The following ZMYM1 variants were observed in gnomAD, a reference collection of about 807,000 sequenced individuals.
ZMYM1 encodes zinc finger MYM-type protein 1.
ZMYM1 carries 39 observed loss-of-function variants against 60.0 expected under a neutral mutation model. The observed-to-expected ratio is 0.65, with a 90% CI of 0.50 to 0.85. The LOEUF (loss-of-function observed/expected upper bound fraction) is 0.85. Among genes scored for constraint, ZMYM1 ranks in the 40% least tolerant of loss-of-function variants. ZMYM1 has a pLI of 0.00. For missense variants in ZMYM1, 1,171 were observed against 1,309.5 expected (o/e 0.89, Z 1.63); for synonymous variants, 413 against 454.0 (o/e 0.91, Z 1.15).
At chr1:35,069,862 G>A (rs1642038166) in intron 1 of ZMYM1, among the ~76,000 whole-genome samples, 6 of 152,136 alleles carry the variant, frequency 3.9e-5, no homozygotes, top group Admixed American at 3.9e-4. Context: ...CCCAATGTGT[G>A]CTCTTGGCAC....
intron 6 of ZMYM1, among the ~76,000 whole-genome samples, chr1:35,105,126 CTTTTTTTTTT>C (rs1029051953): frequency 2.1e-5 from 2 of 96,580 alleles, no homozygotes; most frequent in Non-Finnish European, 4.0e-5. Flanking sequence ...TTATTTCTTT[CTTTTTTTTTT>C]TTTTTTTTTT....
chr1:35,083,610 TA>T (rs1249048365), intron 1 of ZMYM1, among the ~76,000 whole-genome samples: 2 of 152,136 alleles, frequency 1.3e-5, no homozygotes, highest in Non-Finnish European at 1.5e-5. Flanking sequence ...AAATTGTAGG[TA>T]TTTTTTGTTT....
chr1:35,109,872 G>C (rs1644026467), intron 6 of ZMYM1, among the ~76,000 whole-genome samples: 1 of 151,922 alleles, frequency 6.6e-6, no homozygotes, highest in Admixed American at 6.6e-5. Context: ...TCAGCCTCCT[G>C]AGTAACTGTG....
chr1:35,076,985 A>G (rs1642179494), upstream of ZMYM1, among the ~76,000 whole-genome samples: 1 of 151,908 alleles, frequency 6.6e-6, no homozygotes, highest in African/African-American at 2.4e-5. Context: ...CAAGCTTCCT[A>G]TCTCCCAGAG....
chr1:35,108,699 ATTTTTT>A (rs771920421), intron 6 of ZMYM1, among the ~76,000 whole-genome samples: 2 of 106,784 alleles, frequency 1.9e-5, no homozygotes, highest in African/African-American at 6.9e-5. Flanking sequence ...TCCATCGGTG[ATTTTTT>A]TTTTTTTTTT....
intron 1 of ZMYM1, among the ~76,000 whole-genome samples, chr1:35,085,056 T>G (rs948444955): frequency 1.3e-5 from 2 of 151,026 alleles, no homozygotes; most frequent in African/African-American, 2.4e-5. Flanking sequence ...TTTGGTTTGG[T>G]TTTTTTTTGG....
intron 2 of ZMYM1, 66 bp downstream of exon 2, chr1:35,094,149 G>T (rs1366199346): frequency 1.4e-6 from 2 of 1,394,674 alleles, no homozygotes; most frequent in Non-Finnish European, 2.0e-6. Context: ...TAGTTACAAA[G>T]GTGCTGAAAT....
At chr1:35,088,425 T>A (rs565177108) in intron 1 of ZMYM1, among the ~76,000 whole-genome samples, 367 of 102,634 alleles carry the variant, frequency 3.6e-3, no homozygotes, top group Admixed American at 0.01. Context: ...CTCAAAAATG[T>A]GTTTATGTGT....
At chr1:35,076,162 T>A (rs917373089), upstream of ZMYM1, among the ~76,000 whole-genome samples, 6 of 152,082 alleles carry the variant, frequency 3.9e-5, no homozygotes, top group African/African-American at 1.2e-4. Context: ...TAACCCCAGA[T>A]ATAAAGGAAC....
chr1:35,085,031 C>G (rs114558643), intron 1 of ZMYM1, among the ~76,000 whole-genome samples: 37 of 151,744 alleles, frequency 2.4e-4, no homozygotes, highest in African/African-American at 7.7e-4. Flanking sequence ...TGGATTTATC[C>G]GTTTTTTGTT....
Position 35,104,470 on chromosome 1 carries a change from G to GT in ZMYM1, c.594+2dup. The stretch of plus-strand genomic sequence containing the variant: ...CAGCATGTGCCAGAAGACTGCTATT[G>GT]TAAGTTCCAATTATAACCTTTACAG... On this transcript the variant is annotated splice_donor_variant, in intron 5 of 9. Transcript: ENST00000359858. LOFTEE classifies it high-confidence loss of function. The GT allele has an allele frequency of 1.9e-6, 3 of 1,609,076 alleles. No homozygotes were observed. The highest frequency in any genetic ancestry group is 2.2e-5 in the East Asian group (1 of 44,794).
At position 35,095,851 on chromosome 1, in the gene ZMYM1, G is replaced by A. The variant is rs751438135; in HGVS notation, c.129G>A (p.Gln43=). Reference sequence around the variant, plus strand: ...GTCATAGGCAACAGTCCAGAACTCAGGAGAATGAACTGAAAATAAATGCTG... The same window carrying A: ...GTCATAGGCAACAGTCCAGAACTCAAGAGAATGAACTGAAAATAAATGCTG... ...EYCHRQQSRT[Q]ENELKINAVF... Residue 43 remains glutamine, a synonymous_variant, in exon 3 of 10, where the codon CAG becomes CAA. Coordinates refer to ENST00000359858, the MANE Select transcript of ZMYM1 (RefSeq NM_024772.5). 3.1e-6 allele frequency: 5 copies of A among 1,609,798 alleles called. No homozygotes were observed. Among genetic ancestry groups the A allele is most frequent in the Non-Finnish European group, 4.2e-6 (5 of 1,177,528 alleles).
intron 6 of ZMYM1, among the ~76,000 whole-genome samples, chr1:35,108,691 C>CATCGG (rs1271837435): frequency 6.7e-6 from 1 of 149,996 alleles, no homozygotes; most frequent in Non-Finnish European, 1.5e-5. Context: ...AGTTTTGTTC[C>CATCGG]ATCGGTGATT....
intron 1 of ZMYM1, among the ~76,000 whole-genome samples, chr1:35,088,454 A>ATATATATATATATATATATATATG (rs1464546786): frequency 9.3e-6 from 1 of 107,250 alleles, no homozygotes; most frequent in Non-Finnish European, 1.7e-5. Flanking sequence ...ATATATATAT[A>ATATATATATATATATATATATATG]TGTGTGTGTG....
chr1:35,102,343 T>C (rs1447303493), intron 4 of ZMYM1, among the ~76,000 whole-genome samples: 2 of 152,248 alleles, frequency 1.3e-5, no homozygotes, highest in Admixed American at 1.3e-4. Flanking sequence ...TCTTGTACTT[T>C]GAATGGATCT....
At chr1:35,069,234 C>T (rs1642027976) in intron 1 of ZMYM1, among the ~76,000 whole-genome samples, 1 of 152,172 alleles carries the variant, frequency 6.6e-6, no homozygotes, top group African/African-American at 2.4e-5. Flanking sequence ...GTTCCCTTTT[C>T]TCCATATCCT....
At chr1:35,072,599 G>GT (rs1642086412) in intron 1 of ZMYM1, among the ~76,000 whole-genome samples, 1 of 151,622 alleles carries the variant, frequency 6.6e-6, no homozygotes, top group South Asian at 2.1e-4. Flanking sequence ...TTCAGGTTTA[G>GT]TTTTTTCTTG....
Position 35,111,860 on chromosome 1 carries a change from A to T in ZMYM1, c.1050A>T (p.Ser350=). ...DTTPVISNIV[S]LADTDVALPI... is the part of the protein sequence containing the mutation. The stretch of plus-strand genomic sequence containing the variant: ...CTCCAGTTATAAGCAATATAGTGTC[A>T]TTGGCAGACACCGATGTTGCCTTGC... Residue 350 remains serine (S), a synonymous_variant, in exon 8 of 10, where the codon TCA becomes TCT. Transcript: ENST00000359858. 1 of 1,607,422 alleles carries T rather than the reference A, an allele frequency of 6.2e-7. No individual in the cohort carries two copies. Among genetic ancestry groups the T allele is most frequent in the South Asian group, 1.1e-5 (1 of 90,010 alleles).
upstream of ZMYM1, among the ~76,000 whole-genome samples, chr1:35,078,136 A>G (rs535635528): frequency 5.9e-5 from 9 of 152,318 alleles, no homozygotes; most frequent in East Asian, 1.3e-3. Flanking sequence ...GTCTAAACAG[A>G]TTATTATGAA....
Sources: gnomAD v4.1 joint callset for allele counts (sites outside exome capture counted in the v4.1 genomes callset) on GRCh38, gnomAD v4.1.1 for gene constraint, MANE v1.5 for transcripts, NCBI Gene and HGNC (gene_info 2026-07-23, HGNC 2026-07-21) for gene names.